Variants in FAM193A observed in about 807,000 individuals in gnomAD.
FAM193A encodes the protein family with sequence similarity 193 member A, also known as protein FAM193A.
Under a neutral mutation model 126.5 loss-of-function variants are expected in FAM193A, and 22 were observed. That is an observed-to-expected ratio of 0.17 (90% CI 0.12 to 0.25). The LOEUF (loss-of-function observed/expected upper bound fraction) is 0.25. Among genes scored for constraint, FAM193A ranks in the 10% least tolerant of loss-of-function variants. The probability of loss-of-function intolerance (pLI) is 1.00; values close to 1 mark genes in which losing one functional copy is unlikely to be tolerated. For synonymous variants in FAM193A, 761 were observed against 646.8 expected, an observed-to-expected ratio of 1.18 and a Z score of -2.68; for missense variants, 1,675 against 1,672.8, an observed-to-expected ratio of 1.00 and a Z score of -0.02.
At chr4:2,708,068 G>A (rs954880962) in intron 19 of FAM193A, 7 of 403,610 alleles carry the variant, frequency 1.7e-5, no homozygotes, top group African/African-American at 8.5e-5. Flanking sequence ...TATTTCTATT[G>A]GATAGTGCTG....
At chr4:2,658,139 G>A (rs1185274100) in intron 8 of FAM193A, among the ~76,000 whole-genome samples, 1 of 152,152 alleles carries the variant, frequency 6.6e-6, no homozygotes, top group Non-Finnish European at 1.5e-5. Context: ...CAGCAGCTCT[G>A]GGTATTTTGC....
chr4:2,706,586 G>A lies in FAM193A; in HGVS notation c.4372+6042G>A, dbSNP rs112203100. Among the ~76,000 whole-genome samples, 43 of 151,862 alleles carry A rather than the reference G, an allele frequency of 2.8e-4. 3 individuals are homozygous for A. The highest frequency in any genetic ancestry group is 8.0e-4 in the African/African-American group (33 of 41,432). On this transcript the variant is annotated intron_variant, in intron 19 of 20. Coordinates refer to ENST00000637812, the MANE Select transcript of FAM193A (RefSeq NM_001366318.2). ...CCTGGGATTACAGGCGTGAGCCACC[G>A]TTCCCGTCCTGTCCTACAGTAAATT...
At chr4:2,564,830 G>A (rs887738860) in intron 1 of FAM193A, among the ~76,000 whole-genome samples, 1 of 151,892 alleles carries the variant, frequency 6.6e-6, no homozygotes, top group Non-Finnish European at 1.5e-5. Flanking sequence ...TTTGAGATAG[G>A]GACTCACTCT....
intron 7 of FAM193A, among the ~76,000 whole-genome samples, chr4:2,651,410 C>T (rs1163880313): frequency 6.6e-6 from 1 of 152,174 alleles, no homozygotes; most frequent in Non-Finnish European, 1.5e-5. Flanking sequence ...ATTCACAGTT[C>T]CGCATGGCTG....
At chr4:2,630,800 TGGTTATGA>T in intron 4 of FAM193A, 127 bp from the exon 5 acceptor site, 1 of 593,560 alleles carries the variant, frequency 1.7e-6, no homozygotes, top group Non-Finnish European at 3.0e-6. Flanking sequence ...TTCTCACAGG[TGGTTATGA>T]GGAAGGTGAC....
intron 6 of FAM193A, among the ~76,000 whole-genome samples, chr4:2,641,601 G>A (rs1000110632): frequency 6.6e-6 from 1 of 152,104 alleles, no homozygotes; most frequent in Non-Finnish European, 1.5e-5. Context: ...TTTGCAGTGA[G>A]CTGAAATCGT....
chr4:2,634,182 G>T (rs1222570704), intron 5 of FAM193A, among the ~76,000 whole-genome samples: 2 of 152,212 alleles, frequency 1.3e-5, no homozygotes, highest in East Asian at 3.8e-4. Flanking sequence ...TGGCCTTGGG[G>T]TGGAGATGCA....
intron 1 of FAM193A, among the ~76,000 whole-genome samples, chr4:2,581,493 A>G (rs535322868): frequency 1.5e-4 from 23 of 152,148 alleles, no homozygotes; most frequent in East Asian, 5.8e-4. Context: ...AGCTCAGGCA[A>G]TCCGCCTGTC....
intron 13 of FAM193A, among the ~76,000 whole-genome samples, chr4:2,678,360 G>GTTTTTT (rs201173761): frequency 2.5e-5 from 3 of 120,162 alleles, no homozygotes; most frequent in African/African-American, 9.7e-5. Flanking sequence ...GGTTTTGGTG[G>GTTTTTT]TTTTTTTTTT....
chr4:2,682,684 T>C (rs905627385), intron 13 of FAM193A, among the ~76,000 whole-genome samples: 5 of 152,246 alleles, frequency 3.3e-5, no homozygotes, highest in Non-Finnish European at 5.9e-5. Flanking sequence ...TTAAAATTTC[T>C]GCAGTTGCCC....
intron 19 of FAM193A, among the ~76,000 whole-genome samples, chr4:2,713,238 T>G: frequency 6.6e-6 from 1 of 151,248 alleles, no homozygotes; most frequent in Non-Finnish European, 1.5e-5. Context: ...AAACCCTGTC[T>G]CTACTAAAAA....
At chr4:2,647,102 GTCAC>G (rs1745226009) in intron 7 of FAM193A, among the ~76,000 whole-genome samples, 1 of 152,158 alleles carries the variant, frequency 6.6e-6, no homozygotes, top group African/African-American at 2.4e-5. Flanking sequence ...CACACCTGCT[GTCAC>G]TCACACGGGC....
intron 2 of FAM193A, among the ~76,000 whole-genome samples, chr4:2,606,291 C>A (rs567013552): frequency 1.5e-3 from 229 of 152,132 alleles, no homozygotes; most frequent in Non-Finnish European, 2.7e-3. Flanking sequence ...ACCTCGTGAT[C>A]CACCCACCTC....
chr4:2,587,551 G>A (rs971802825), intron 1 of FAM193A, among the ~76,000 whole-genome samples: 4 of 151,496 alleles, frequency 2.6e-5, no homozygotes, highest in African/African-American at 7.4e-5. Flanking sequence ...AATTAGTTGG[G>A]CATGGTGGTG....
intron 2 of FAM193A, chr4:2,608,039 G>C: frequency 6.2e-7 from 1 of 1,607,038 alleles, no homozygotes; most frequent in Non-Finnish European, 8.5e-7. Context: ...TCACGTCCGG[G>C]TGTGCAGCAT....
chr4:2,545,176 A>G (rs1737471420), intron 1 of FAM193A, among the ~76,000 whole-genome samples: 1 of 152,114 alleles, frequency 6.6e-6, no homozygotes, highest in Admixed American at 6.6e-5. Flanking sequence ...TATTTTTAGT[A>G]GAGATGGGGT....
At chr4:2,713,104 C>CAAA (rs529104464) in intron 19 of FAM193A, among the ~76,000 whole-genome samples, 6 of 77,388 alleles carry the variant, frequency 7.8e-5, no homozygotes, top group African/African-American at 1.9e-4. Flanking sequence ...GACTCTGCTT[C>CAAA]AAAAAAAAAA....
At chr4:2,670,677 C>G (rs1713689796) in intron 12 of FAM193A, among the ~76,000 whole-genome samples, 1 of 152,160 alleles carries the variant, frequency 6.6e-6, no homozygotes, top group African/African-American at 2.4e-5. Flanking sequence ...CCAGACTAGG[C>G]TTGAACTCTT....
chr4:2,604,673 A>G (rs1741421710), intron 2 of FAM193A, among the ~76,000 whole-genome samples: 1 of 149,294 alleles, frequency 6.7e-6, no homozygotes, highest in African/African-American at 2.5e-5. Context: ...ACATCTGCAC[A>G]TCCTTTTAAT....
Sources: allele counts gnomAD v4.1 joint callset (sites outside exome capture counted in the v4.1 genomes callset), GRCh38; gene constraint gnomAD v4.1.1; transcripts MANE v1.5; gene names NCBI Gene and HGNC (gene_info 2026-07-23, HGNC 2026-07-21).